Variants in UQCRH observed in about 807,000 individuals in gnomAD.
UQCRH encodes ubiquinol-cytochrome c reductase hinge protein, also known as cytochrome b-c1 complex subunit 6, mitochondrial.
UQCRH carries 14 observed loss-of-function variants against 16.3 expected under a neutral mutation model. The observed-to-expected ratio is 0.86, with a 90% CI of 0.57 to 1.34. UQCRH has a LOEUF of 1.34. Among genes scored for constraint, UQCRH ranks in the 40% most tolerant of loss-of-function variants. UQCRH has a pLI of 0.00. For synonymous variants in UQCRH, 41 were observed against 41.9 expected (o/e 0.98, Z 0.08); for missense variants, 89 against 111.9 (o/e 0.80, Z 0.92).
In UQCRH at chr1:46,316,677, A is replaced by G; in HGVS notation, c.*93A>G. ...TGTACCATTTGTTTCTTATTTGTGTAACTGTAAGTTCACATGAACCTCATG... is the reference window on the plus strand; with the variant it reads ...TGTACCATTTGTTTCTTATTTGTGTGACTGTAAGTTCACATGAACCTCATG... On this transcript the variant is annotated 3_prime_UTR_variant, in exon 4 of 4. Coordinates refer to ENST00000311672, the MANE Select transcript of UQCRH (RefSeq NM_006004.4). 1.3e-6 allele frequency: 2 copies of G among 1,578,524 alleles called. No individual in the cohort carries two copies. The highest frequency in any genetic ancestry group is 1.7e-6 in the Non-Finnish European group (2 of 1,160,174).
intron 3 of UQCRH, among the ~76,000 whole-genome samples, chr1:46,311,770 GT>G (rs558702675): frequency 3.4e-5 from 5 of 147,538 alleles, no homozygotes; most frequent in African/African-American, 1.2e-4. Flanking sequence ...TGGTTTTTTT[GT>G]TTTTTTTTGT....
chr1:46,311,450 G>C (rs1423153499), intron 3 of UQCRH, among the ~76,000 whole-genome samples: 1 of 150,366 alleles, frequency 6.7e-6, no homozygotes, highest in Non-Finnish European at 1.5e-5. Context: ...GGTGGCGGGC[G>C]CCTGTAGCCC....
chr1:46,308,557 C>G (rs988540228), intron 1 of UQCRH, among the ~76,000 whole-genome samples: 13 of 152,180 alleles, frequency 8.5e-5, no homozygotes, highest in Admixed American at 5.2e-4. Context: ...GGAGGCAGGG[C>G]CAGGCTGAGT....
chr1:46,315,864 C>A (rs1661574047), intron 3 of UQCRH, among the ~76,000 whole-genome samples: 1 of 152,072 alleles, frequency 6.6e-6, no homozygotes, highest in Admixed American at 6.6e-5. Context: ...TTTCCCCCTC[C>A]CACTGTGTGG....
chr1:46,307,019 A>G (rs969744135), intron 1 of UQCRH, among the ~76,000 whole-genome samples: 1 of 152,134 alleles, frequency 6.6e-6, no homozygotes, highest in Non-Finnish European at 1.5e-5. Flanking sequence ...CTGAGTAGCC[A>G]TGACCACAGA....
chr1:46,306,023 ACCT>A (rs1661366695), intron 1 of UQCRH, among the ~76,000 whole-genome samples: 1 of 151,812 alleles, frequency 6.6e-6, no homozygotes, highest in Admixed American at 6.6e-5. Flanking sequence ...TCTGGATCTG[ACCT>A]CCTGATCCGC....
intron 1 of UQCRH, among the ~76,000 whole-genome samples, chr1:46,306,908 G>A (rs902096699): frequency 2.0e-5 from 3 of 151,988 alleles, no homozygotes; most frequent in African/African-American, 4.8e-5. Flanking sequence ...TTTTGGAGAC[G>A]GGGTCTCACT....
intron 3 of UQCRH, among the ~76,000 whole-genome samples, chr1:46,314,176 C>G (rs930812608): frequency 2.0e-5 from 3 of 151,814 alleles, no homozygotes; most frequent in African/African-American, 4.8e-5. Context: ...TTGAGACTAT[C>G]CTGGCTAACA....
At position 46,316,737 on chromosome 1, in the gene UQCRH, G is replaced by A. The variant is rs12135218; in HGVS notation, c.*153G>A. The A allele has an allele frequency of 4.5e-3, 4,737 of 1,048,904 alleles. 11 individuals carry two copies. The highest frequency in any genetic ancestry group is 6.5e-3 in the Middle Eastern group (20 of 3,058). 65.0% of individuals were successfully genotyped at this position (1,048,904 alleles called of 1,614,324 possible). A position where few individuals can be genotyped will look rare whatever the true frequency, so the allele number is the denominator to read the frequency against. ...TAGGCTGGTAGCTTCTATGTAATTC[G>A]CAATGATTCCATCTAAATAAAAGTT... On this transcript the variant is annotated 3_prime_UTR_variant, in exon 4 of 4. Transcript: ENST00000311672.
intron 3 of UQCRH, among the ~76,000 whole-genome samples, chr1:46,311,140 G>C (rs1160161719): frequency 6.6e-6 from 1 of 151,824 alleles, no homozygotes; most frequent in Non-Finnish European, 1.5e-5. Context: ...CTGGAGATAG[G>C]TATCATTATC....
At chr1:46,309,355 T>C in intron 2 of UQCRH, 1 of 510,966 alleles carries the variant, frequency 2.0e-6, no homozygotes, top group Non-Finnish European at 3.4e-6. Flanking sequence ...GCAGATGGCA[T>C]CTTGAGGGCC....
chr1:46,313,393 C>T (rs776683157), intron 3 of UQCRH, among the ~76,000 whole-genome samples: 3 of 152,080 alleles, frequency 2.0e-5, no homozygotes, highest in Non-Finnish European at 4.4e-5. Context: ...CTTTGGGAGG[C>T]GGAGGCGGGT....
intron 3 of UQCRH, among the ~76,000 whole-genome samples, chr1:46,312,238 G>C (rs1181829263): frequency 6.6e-6 from 1 of 151,754 alleles, no homozygotes; most frequent in Non-Finnish European, 1.5e-5. Context: ...TGGGATTAAA[G>C]GTGCACGCCA....
At chr1:46,307,598 GT>G (rs1661400088) in intron 1 of UQCRH, among the ~76,000 whole-genome samples, 2 of 152,204 alleles carry the variant, frequency 1.3e-5, no homozygotes, top group Admixed American at 6.5e-5. Context: ...CCCATGGGCA[GT>G]TTTTTACACT....
At chr1:46,313,650 T>C (rs904498888) in intron 3 of UQCRH, among the ~76,000 whole-genome samples, 1 of 140,920 alleles carries the variant, frequency 7.1e-6, no homozygotes, top group Admixed American at 6.9e-5. Context: ...GACAGATAGA[T>C]AGATAGATAG....
At position 46,310,311 on chromosome 1, in the gene UQCRH, C is replaced by A; in HGVS notation, c.238C>A (p.His80Asn). The change falls in exon 3 of 4, where the codon CAT becomes AAT. Residue 80 changes from histidine to asparagine, a missense_variant. Transcript: ENST00000311672. ...CTTTGACTTCTTGCATGCGAGGGACCATTGCGTAAGTCAGTGGGAAGTCAG... is the reference window on the plus strand; with the variant it reads ...CTTTGACTTCTTGCATGCGAGGGACAATTGCGTAAGTCAGTGGGAAGTCAG... The part of the protein sequence containing the change: ...ELFDFLHARD[H>N]CVAHKLFNNL... The A allele has an allele frequency of 1.2e-6, 2 of 1,614,032 alleles. No individual in the cohort carries two copies. The highest frequency in any genetic ancestry group is 1.7e-6 in the Non-Finnish European group (2 of 1,180,012).
chr1:46,305,478 AGGCGGGTGGATCGGGAGGCCG>A (rs1219028292), intron 1 of UQCRH, among the ~76,000 whole-genome samples: 1 of 14,074 alleles, frequency 7.1e-5, no homozygotes, highest in Non-Finnish European at 2.4e-4. Flanking sequence ...TGGGAGGCCG[AGGCGGGTGGATCGGGAGGCCG>A]AGGCGGGTGG....
chr1:46,316,663 TTTC>T lies in UQCRH; in HGVS notation c.*82_*84del. On this transcript the variant is annotated 3_prime_UTR_variant, in exon 4 of 4. Coordinates refer to ENST00000311672, the MANE Select transcript of UQCRH (RefSeq NM_006004.4). ...CTTATGGTTTTGGATGTACCATTTG[TTTC>T]TTATTTGTGTAACTGTAAGTTCACA... 1 of 1,595,324 alleles carries T rather than the reference TTTC, an allele frequency of 6.3e-7. No homozygotes were observed. Among genetic ancestry groups the T allele is most frequent in the East Asian group, 2.2e-5 (1 of 44,544 alleles).
At chr1:46,315,462 C>T (rs1448341727) in intron 3 of UQCRH, among the ~76,000 whole-genome samples, 5 of 150,980 alleles carry the variant, frequency 3.3e-5, no homozygotes, top group African/African-American at 7.3e-5. Context: ...AGTGTGGTGG[C>T]GCACACTTGT....
Sources: allele counts gnomAD v4.1 joint callset (sites outside exome capture counted in the v4.1 genomes callset), GRCh38; gene constraint gnomAD v4.1.1; transcripts MANE v1.5; gene names NCBI Gene and HGNC (gene_info 2026-07-23, HGNC 2026-07-21).